NRG3: variants seen among roughly 807,000 people sequenced by gnomAD.
NRG3 encodes the protein pro-neuregulin-3, membrane-bound isoform.
A neutral mutation model predicts 66.9 loss-of-function variants in NRG3; 31 were observed. That is an observed-to-expected ratio of 0.46 (90% confidence interval 0.35 to 0.63). NRG3 has a LOEUF of 0.63. NRG3 is among the 20% of genes least tolerant of loss of function. The pLI is 0.00. For missense variants in NRG3, 910 were observed against 878.9 expected (o/e 1.04, Z -0.45); for synonymous variants, 393 against 359.4 (o/e 1.09, Z -1.06).
intron 1 of NRG3, among the ~76,000 whole-genome samples, chr10:82,075,030 A>G (rs1432036779): frequency 2.0e-5 from 3 of 152,128 alleles, no homozygotes. Flanking sequence ...GCCTTTGATC[A>G]TTATCTGTTG....
At chr10:82,776,688 G>T (rs768546571) in intron 3 of NRG3, among the ~76,000 whole-genome samples, 1 of 151,224 alleles carries the variant, frequency 6.6e-6, no homozygotes, top group Non-Finnish European at 1.5e-5. Flanking sequence ...ACTTTTTGCT[G>T]CTTGATCTAG....
chr10:82,486,942 G>A (rs907507888), intron 2 of NRG3, among the ~76,000 whole-genome samples: 2 of 151,928 alleles, frequency 1.3e-5, no homozygotes, highest in Non-Finnish European at 2.9e-5. Context: ...AGAGTATAGA[G>A]TTTCAGTCAT....
intron 5 of NRG3, 91 bp from the exon 6 acceptor site, chr10:82,958,858 C>T: frequency 7.4e-7 from 1 of 1,356,508 alleles, no homozygotes; most frequent in Non-Finnish European, 9.7e-7. Flanking sequence ...TAGCAAATAA[C>T]AAATATAGAC....
chr10:82,429,824 T>G (rs2136311279), intron 2 of NRG3, among the ~76,000 whole-genome samples: 1 of 152,288 alleles, frequency 6.6e-6, no homozygotes, highest in African/African-American at 2.4e-5. Context: ...TTTGTTTTTC[T>G]TTCTATTCTC....
In NRG3 at chr10:82,929,185, C is replaced by G. The variant is rs189380625; in HGVS notation, c.1055-22284C>G. Among the ~76,000 whole-genome samples, 178 of 152,230 alleles carry G rather than the reference C, an allele frequency of 1.2e-3. 3 individuals are homozygous for G. The highest frequency in any genetic ancestry group is 4.0e-3 in the African/African-American group (167 of 41,540). On this transcript the variant is annotated intron_variant, in intron 4 of 8. Transcript: ENST00000372141. ...TTTGCTGAATCCGAATTATAATGTC[C>G]TCTTCTGCCAACCCTGTAAGATGCT...
intron 2 of NRG3, among the ~76,000 whole-genome samples, chr10:82,707,139 G>C (rs76111946): frequency 0.027 from 4,147 of 150,918 alleles, 190 homozygotes; most frequent in African/African-American, 0.095. Flanking sequence ...ATATTAACTT[G>C]AGGGTCTTTT....
At chr10:82,140,409 G>A (rs1336993743) in intron 1 of NRG3, among the ~76,000 whole-genome samples, 2 of 152,124 alleles carry the variant, frequency 1.3e-5, no homozygotes, top group Non-Finnish European at 2.9e-5. Flanking sequence ...ATCAGAAATA[G>A]TTTGCTCTTT....
chr10:82,148,177 A>G (rs184828801), intron 1 of NRG3, among the ~76,000 whole-genome samples: 1 of 152,270 alleles, frequency 6.6e-6, no homozygotes, highest in African/African-American at 2.4e-5. Context: ...CATTCTAATC[A>G]AAAACTTCTT....
At chr10:81,943,703 T>C (rs547324279) in intron 1 of NRG3, among the ~76,000 whole-genome samples, 1 of 152,334 alleles carries the variant, frequency 6.6e-6, no homozygotes, top group African/African-American at 2.4e-5. Flanking sequence ...GAAAAACATT[T>C]CAGGCCATTG....
At chr10:82,893,643 G>A (rs187658942) in intron 4 of NRG3, among the ~76,000 whole-genome samples, 41 of 152,092 alleles carry the variant, frequency 2.7e-4, no homozygotes, top group African/African-American at 9.4e-4. Flanking sequence ...AACTAAGATC[G>A]TGCCACTGCA....
At chr10:82,381,518 A>T (rs2085616601) in intron 2 of NRG3, among the ~76,000 whole-genome samples, 1 of 152,190 alleles carries the variant, frequency 6.6e-6, no homozygotes, top group African/African-American at 2.4e-5. Context: ...ATCAGCCTCC[A>T]GAGCTTAGAT....
At chr10:82,401,466 C>G (rs535138124) in intron 2 of NRG3, among the ~76,000 whole-genome samples, 1 of 152,100 alleles carries the variant, frequency 6.6e-6, no homozygotes, top group South Asian at 2.1e-4. Context: ...TGCACAGATT[C>G]TATACAGTAT....
chr10:82,985,092 T>C lies in NRG3; in HGVS notation c.1584-6T>C, dbSNP rs771541063. On this transcript the variant is annotated splice_polypyrimidine_tract_variant and splice_region_variant and intron_variant, in intron 8 of 8. Transcript: ENST00000372141. ...CAGAAGGAGTAACACTGTGTTTCTT[T>C]TTCAGGTATTCATCCAGTGGTTTAA... 1.6e-5 allele frequency: 25 copies of C among 1,611,652 alleles called. No homozygotes were observed. Among genetic ancestry groups the C allele is most frequent in the Non-Finnish European group, 2.1e-5 (25 of 1,178,880 alleles).
At chr10:82,646,134 A>G (rs1429161958) in intron 2 of NRG3, among the ~76,000 whole-genome samples, 6 of 152,090 alleles carry the variant, frequency 3.9e-5, no homozygotes, top group African/African-American at 1.2e-4. Flanking sequence ...TGAATGCTTG[A>G]TCCTTGCTAC....
chr10:82,967,541 T>C (rs1219672444), intron 6 of NRG3, among the ~76,000 whole-genome samples: 1 of 152,194 alleles, frequency 6.6e-6, no homozygotes, highest in East Asian at 1.9e-4. Flanking sequence ...GCGGTGCATT[T>C]GGGCGGTAGT....
intron 2 of NRG3, among the ~76,000 whole-genome samples, chr10:82,360,572 A>G (rs949268676): frequency 1.3e-5 from 2 of 152,222 alleles, no homozygotes; most frequent in East Asian, 1.9e-4. Flanking sequence ...TATCAGGAGA[A>G]CAAAGTAATT....
intron 6 of NRG3, among the ~76,000 whole-genome samples, chr10:82,970,640 G>A (rs1019846185): frequency 3.9e-5 from 6 of 152,052 alleles, no homozygotes; most frequent in African/African-American, 1.4e-4. Flanking sequence ...CATAAGAATA[G>A]CCTATGTTTC....
At chr10:82,129,952 A>G (rs1293997365) in intron 1 of NRG3, among the ~76,000 whole-genome samples, 1 of 151,832 alleles carries the variant, frequency 6.6e-6, no homozygotes, top group Non-Finnish European at 1.5e-5. Flanking sequence ...TATCTTAACT[A>G]TTTTTTTGTA....
At chr10:82,062,269 G>T (rs1201859942) in intron 1 of NRG3, among the ~76,000 whole-genome samples, 1 of 152,088 alleles carries the variant, frequency 6.6e-6, no homozygotes, top group Non-Finnish European at 1.5e-5. Flanking sequence ...TGCCAGAGGG[G>T]AGCAGATTGG....
Sources: gnomAD v4.1 joint callset for allele counts (sites outside exome capture counted in the v4.1 genomes callset) on GRCh38, gnomAD v4.1.1 for gene constraint, MANE v1.5 for transcripts, NCBI Gene and HGNC (gene_info 2026-07-23, HGNC 2026-07-21) for gene names.